Variants in LRP1B observed in about 807,000 individuals in gnomAD.
LRP1B encodes LDL receptor related protein 1B.
In LRP1B, 217 loss-of-function variants were observed where a neutral mutation model predicts 556.6. That is an observed-to-expected ratio of 0.39 (90% confidence interval 0.35 to 0.44). The LOEUF (loss-of-function observed/expected upper bound fraction) is 0.44, where lower values mean the gene tolerates loss of function less well. Ranked by LOEUF, LRP1B falls within the 20% of genes least tolerant of loss-of-function variation. The pLI, the probability that LRP1B is intolerant of heterozygous loss-of-function variation, is 1.00. For synonymous variants in LRP1B, 2,047 were observed against 1,865.8 expected, an observed-to-expected ratio of 1.10 and a Z score of -2.50; for missense variants, 5,053 against 5,620.8, an observed-to-expected ratio of 0.90 and a Z score of 3.23.
At chr2:141,997,084 A>G (rs1702512589) in intron 1 of LRP1B, among the ~76,000 whole-genome samples, 1 of 152,074 alleles carries the variant, frequency 6.6e-6, no homozygotes, top group South Asian at 2.1e-4. Flanking sequence ...GGGCTTAGAA[A>G]ACTGAGTATG....
intron 2 of LRP1B, among the ~76,000 whole-genome samples, chr2:141,652,519 A>G (rs1689836150): frequency 6.6e-6 from 1 of 152,216 alleles, no homozygotes; most frequent in Non-Finnish European, 1.5e-5. Flanking sequence ...CTTGAGTCTC[A>G]GTCAGACTGA....
At chr2:140,595,113 TA>T (rs1219849806) in intron 43 of LRP1B, among the ~76,000 whole-genome samples, 3 of 98,930 alleles carry the variant, frequency 3.0e-5, no homozygotes, top group Non-Finnish European at 6.2e-5. Flanking sequence ...TATATATATA[TA>T]TATATATATA....
rs751375617 is a variant in LRP1B at position 140,994,133 on chromosome 2, T to C, written c.2506A>G (p.Asn836Asp). 6.2e-7 allele frequency: 1 copy of C among 1,611,798 alleles called. No individual in the cohort carries two copies. The change falls in exon 16 of 91, where the codon AAT becomes GAT. Residue 836 changes from asparagine (N) to aspartate (D), a missense_variant and splice_region_variant. Asn to Asp is a conservative substitution (Grantham distance 23). This residue lies in a region of LRP1B where 3,619 missense variants were observed against 3,931.9 expected (regional missense o/e 0.92). Coordinates refer to ENST00000389484, the MANE Select transcript of LRP1B (RefSeq NM_018557.3). ...LDENGTTCTFNPGEALPHICK... is the reference protein window; with the variant it reads ...LDENGTTCTFDPGEALPHICK... ...ATGTGAGGTAGTGCTTCTCCAGGATTAACTAGAGTTAAAAAAACCCAAGGT... is the reference window on the plus strand; with the variant it reads ...ATGTGAGGTAGTGCTTCTCCAGGATCAACTAGAGTTAAAAAAACCCAAGGT...
At chr2:141,465,251 G>C (rs192443973) in intron 3 of LRP1B, among the ~76,000 whole-genome samples, 2 of 152,040 alleles carry the variant, frequency 1.3e-5, no homozygotes, top group Non-Finnish European at 2.9e-5. Flanking sequence ...GTATTTGAAG[G>C]CATAAAACTG....
intron 2 of LRP1B, among the ~76,000 whole-genome samples, chr2:141,803,387 C>T (rs1467725318): frequency 1.3e-5 from 2 of 151,768 alleles, no homozygotes; most frequent in African/African-American, 4.8e-5. Context: ...TCCTATCCCC[C>T]CTGCATATCA....
intron 2 of LRP1B, among the ~76,000 whole-genome samples, chr2:141,729,478 A>G (rs964715657): frequency 6.6e-6 from 1 of 152,138 alleles, no homozygotes; most frequent in Non-Finnish European, 1.5e-5. Flanking sequence ...TTGTATGAAG[A>G]GCTAAAATCA....
chr2:141,154,865 G>C (rs1224509728), intron 7 of LRP1B, among the ~76,000 whole-genome samples: 3 of 151,832 alleles, frequency 2.0e-5, no homozygotes, highest in African/African-American at 7.2e-5. Context: ...CTTCTAACTG[G>C]TTTCCAGTTT....
chr2:140,445,058 C>T (rs11891957), intron 63 of LRP1B, among the ~76,000 whole-genome samples: 11,998 of 152,026 alleles, frequency 0.079, 596 homozygotes, highest in African/African-American at 0.14. Context: ...AATCATTTCT[C>T]CTTGATCATT....
intron 11 of LRP1B, among the ~76,000 whole-genome samples, chr2:141,038,733 G>A (rs545215400): frequency 6.6e-6 from 1 of 152,134 alleles, no homozygotes; most frequent in South Asian, 2.1e-4. Flanking sequence ...CTAAGCAATA[G>A]TTTAATTGTA....
At chr2:141,354,970 T>G (rs1002077100) in intron 3 of LRP1B, among the ~76,000 whole-genome samples, 1 of 152,130 alleles carries the variant, frequency 6.6e-6, no homozygotes, top group Non-Finnish European at 1.5e-5. Context: ...TAACAGTTTG[T>G]ATAACTCATT....
chr2:141,664,689 C>T (rs1371651289), intron 2 of LRP1B, among the ~76,000 whole-genome samples: 1 of 151,744 alleles, frequency 6.6e-6, no homozygotes, highest in Non-Finnish European at 1.5e-5. Flanking sequence ...CAAACCAGTG[C>T]TCAAGGAAAT....
chr2:140,856,091 C>A (rs1458433831), intron 27 of LRP1B, among the ~76,000 whole-genome samples: 2 of 152,160 alleles, frequency 1.3e-5, no homozygotes, highest in African/African-American at 4.8e-5. Flanking sequence ...ACCCACCTCT[C>A]TTTCAAAAAC....
At chr2:141,350,764 A>C (rs1688416359) in intron 3 of LRP1B, among the ~76,000 whole-genome samples, 1 of 152,174 alleles carries the variant, frequency 6.6e-6, no homozygotes, top group South Asian at 2.1e-4. Flanking sequence ...CCTGTTTAAC[A>C]ACTTTGCACT....
In LRP1B at chr2:140,766,809, G is replaced by A. The variant is rs1030285086; in HGVS notation, c.5758+2404C>T. Among the ~76,000 whole-genome samples, 59 of 121,282 alleles carry A rather than the reference G, an allele frequency of 4.9e-4. 1 individual carries two copies. Among genetic ancestry groups the A allele is most frequent in the Non-Finnish European group, 1.8e-4 (11 of 61,374 alleles). 79.6% of individuals were successfully genotyped at this position (121,282 alleles called of 152,430 possible). A position where few individuals can be genotyped will look rare whatever the true frequency, so the allele number is the denominator to read the frequency against. On this transcript the variant is annotated intron_variant, in intron 35 of 90. Transcript: ENST00000389484. ...TTAGAAATTTAAATGTAGCTTCCAGGGCATCTTTGTAAAATATATATATAT... is the reference window on the plus strand; with the variant it reads ...TTAGAAATTTAAATGTAGCTTCCAGAGCATCTTTGTAAAATATATATATAT...
chr2:142,034,736 A>G (rs1703820497), intron 1 of LRP1B, among the ~76,000 whole-genome samples: 1 of 151,812 alleles, frequency 6.6e-6, no homozygotes, highest in Non-Finnish European at 1.5e-5. Context: ...AAGCTAAGAA[A>G]CCATAAGTGA....
At chr2:140,970,946 G>T (rs1409309935) in intron 18 of LRP1B, among the ~76,000 whole-genome samples, 1 of 151,690 alleles carries the variant, frequency 6.6e-6, no homozygotes, top group Non-Finnish European at 1.5e-5. Flanking sequence ...TTGCCTCGTT[G>T]CCCAGGCTGG....
chr2:141,199,199 G>A (rs971568848), intron 6 of LRP1B, among the ~76,000 whole-genome samples: 3 of 152,102 alleles, frequency 2.0e-5, no homozygotes, highest in Admixed American at 6.6e-5. Flanking sequence ...CCGCACAAAT[G>A]CTTTCAGAAA....
At chr2:140,936,974 G>A (rs566226671) in intron 20 of LRP1B, among the ~76,000 whole-genome samples, 5 of 152,068 alleles carry the variant, frequency 3.3e-5, no homozygotes, top group African/African-American at 4.8e-5. Flanking sequence ...GTGGAGACAG[G>A]GATATAAAGA....
At chr2:140,593,019 C>T (rs1000039608) in intron 43 of LRP1B, among the ~76,000 whole-genome samples, 18 of 151,946 alleles carry the variant, frequency 1.2e-4, no homozygotes, top group African/African-American at 4.3e-4. Flanking sequence ...GATAAAATAT[C>T]TCATTACTTT....
Sources: allele counts gnomAD v4.1 joint callset (sites outside exome capture counted in the v4.1 genomes callset), GRCh38; gene constraint gnomAD v4.1.1; regional missense constraint gnomAD v4.1.1; transcripts MANE v1.5; gene names NCBI Gene and HGNC (gene_info 2026-07-23, HGNC 2026-07-21).